The following CBLB variants were observed in gnomAD, a reference collection of about 807,000 sequenced individuals.
CBLB encodes E3 ubiquitin-protein ligase CBL-B.
Under a neutral mutation model 104.9 loss-of-function variants are expected in CBLB, and 31 were observed. The observed-to-expected ratio is 0.30, with a 90% CI of 0.22 to 0.40. The LOEUF is 0.40. Ranked by LOEUF, CBLB falls within the 10% of genes least tolerant of loss-of-function variation. The pLI is 1.00. For synonymous variants in CBLB, 440 were observed against 422.6 expected (o/e 1.04, Z -0.51); for missense variants, 1,062 against 1,214.6 (o/e 0.87, Z 1.87).
intron 3 of CBLB, among the ~76,000 whole-genome samples, chr3:105,777,896 G>A (rs532282086): frequency 5.3e-5 from 8 of 152,180 alleles, no homozygotes; most frequent in East Asian, 1.9e-4. Context: ...TCAATATTAC[G>A]TTAATCGGCA....
chr3:105,721,421 T>G (rs985163694), intron 9 of CBLB, among the ~76,000 whole-genome samples: 3 of 152,202 alleles, frequency 2.0e-5, no homozygotes, highest in Non-Finnish European at 2.9e-5. Context: ...GATCCTGTGA[T>G]AGTTTATTCT....
chr3:105,752,173 A>G (rs2076653125), intron 4 of CBLB, among the ~76,000 whole-genome samples: 1 of 152,272 alleles, frequency 6.6e-6, no homozygotes, highest in Non-Finnish European at 1.5e-5. Context: ...ATATTAATAC[A>G]AAAGAAAAAC....
At chr3:105,682,992 A>G (rs1342567760) in intron 14 of CBLB, among the ~76,000 whole-genome samples, 1 of 151,152 alleles carries the variant, frequency 6.6e-6, no homozygotes, top group Non-Finnish European at 1.5e-5. Flanking sequence ...ATTTACTCTG[A>G]ATTTTTAGAG....
Position 105,780,233 on chromosome 3 carries a change from A to AC in CBLB, c.420-3692dup, listed in dbSNP as rs1236103510. Among the ~76,000 whole-genome samples the AC allele has an allele frequency of 2.6e-5, 4 of 152,142 alleles. No individual in the cohort carries two copies. The East Asian group carries it at 7.7e-4, about 29-fold the overall frequency. ...AATACAGTCATCTCTAACCATCTAGACATAGGGAGAAGAAAAGAAACAATC... is the reference window on the plus strand; with the variant it reads ...AATACAGTCATCTCTAACCATCTAGACCATAGGGAGAAGAAAAGAAACAATC... On this transcript the variant is annotated intron_variant, in intron 3 of 18. Transcript: ENST00000394030.
chr3:105,822,094 ATAT>A (rs1457670427), intron 3 of CBLB, among the ~76,000 whole-genome samples: 13 of 150,228 alleles, frequency 8.7e-5, no homozygotes, highest in African/African-American at 3.1e-4. Context: ...TAAATAACTT[ATAT>A]TATTATTTAT....
intron 3 of CBLB, among the ~76,000 whole-genome samples, chr3:105,838,745 G>C (rs958931792): frequency 6.0e-5 from 9 of 150,858 alleles, no homozygotes; most frequent in African/African-American, 2.2e-4. Context: ...CACCTACCAG[G>C]TTCAAGCCAT....
intron 11 of CBLB, among the ~76,000 whole-genome samples, chr3:105,703,781 T>C (rs2069624216): frequency 6.6e-6 from 1 of 152,310 alleles, no homozygotes; most frequent in South Asian, 2.1e-4. Context: ...GCTACAGACA[T>C]ATGCTCTCTG....
chr3:105,744,803 A>T (rs941571834), intron 6 of CBLB, among the ~76,000 whole-genome samples: 1 of 152,014 alleles, frequency 6.6e-6, no homozygotes, highest in Non-Finnish European at 1.5e-5. Flanking sequence ...GGTGGCACAC[A>T]CCTGTAATCC....
upstream of CBLB, chr3:105,869,260 G>T (rs1706757462): frequency 2.6e-6 from 2 of 755,916 alleles, no homozygotes; most frequent in Non-Finnish European, 4.2e-6. Flanking sequence ...GAAATGAGGG[G>T]CCTGGACTCT....
At chr3:105,733,160 A>G (rs2074511498) in intron 9 of CBLB, among the ~76,000 whole-genome samples, 1 of 152,074 alleles carries the variant, frequency 6.6e-6, no homozygotes. Context: ...GATCGAGACC[A>G]TCCTGGCTAA....
chr3:105,666,007 C>T (rs1334873624), intron 18 of CBLB, among the ~76,000 whole-genome samples: 1 of 148,650 alleles, frequency 6.7e-6, no homozygotes, highest in Non-Finnish European at 1.5e-5. Context: ...GCCTGGGCAA[C>T]AGAGTGAGAC....
intron 12 of CBLB, among the ~76,000 whole-genome samples, chr3:105,699,367 T>C (rs575391295): frequency 6.6e-6 from 1 of 152,280 alleles, no homozygotes; most frequent in East Asian, 1.9e-4. Flanking sequence ...TTTAGATAGC[T>C]GGAAGCTAAC....
At position 105,780,784 on chromosome 3, in the gene CBLB, T is replaced by A. The variant is rs1363702055; in HGVS notation, c.420-4242A>T. Among the ~76,000 whole-genome samples the A allele has an allele frequency of 2.0e-5, 3 of 147,014 alleles. No individual in the cohort carries two copies. The Admixed American group carries it at 2.1e-4, about 10-fold the overall frequency. ...TTCATGCCATTCTCCTGCCTCAGCC[T>A]CCTGAGTAGCTGGGACTACAGGCGC... On this transcript the variant is annotated intron_variant, in intron 3 of 18. Transcript: ENST00000394030.
chr3:105,763,731 A>T (rs1367505667), intron 4 of CBLB, among the ~76,000 whole-genome samples: 2 of 152,252 alleles, frequency 1.3e-5, no homozygotes, highest in South Asian at 4.1e-4. Context: ...CCAGCAGAAC[A>T]TGATCCTAAA....
At chr3:105,758,666 C>T (rs1219342505) in intron 4 of CBLB, among the ~76,000 whole-genome samples, 3 of 152,260 alleles carry the variant, frequency 2.0e-5, no homozygotes, top group Non-Finnish European at 4.4e-5. Context: ...CCACTGCGCA[C>T]AGCCAAGCAC....
chr3:105,798,348 A>G (rs2082466879), intron 3 of CBLB, among the ~76,000 whole-genome samples: 1 of 152,218 alleles, frequency 6.6e-6, no homozygotes, highest in South Asian at 2.1e-4. Context: ...AGATTAATTA[A>G]AGGTTTCTGT....
chr3:105,673,644 A>G (rs1445820829), intron 17 of CBLB: 1 of 152,186 alleles, frequency 6.6e-6, no homozygotes. Context: ...GCTCATGTTC[A>G]TATCTCTACT....
At chr3:105,699,512 C>T (rs2068806911) in intron 12 of CBLB, among the ~76,000 whole-genome samples, 1 of 151,992 alleles carries the variant, frequency 6.6e-6, no homozygotes, top group African/African-American at 2.4e-5. Context: ...AAGTGAAATC[C>T]AGGCCTGATT....
chr3:105,849,310 T>C (rs372898596), intron 3 of CBLB, among the ~76,000 whole-genome samples: 16 of 152,126 alleles, frequency 1.1e-4, no homozygotes, highest in Non-Finnish European at 1.3e-4. Flanking sequence ...CCACAGAACA[T>C]TGTCAGTAAA....
Sources: allele counts gnomAD v4.1 joint callset (sites outside exome capture counted in the v4.1 genomes callset), GRCh38; gene constraint gnomAD v4.1.1; transcripts MANE v1.5; gene names NCBI Gene and HGNC (gene_info 2026-07-23, HGNC 2026-07-21).